COL5A3: variants seen among roughly 807,000 people sequenced by gnomAD.
The protein encoded by COL5A3 is collagen type V alpha 3 chain.
In COL5A3, 172 loss-of-function variants were observed where a neutral mutation model predicts 250.0. The observed-to-expected ratio is 0.69, with a 90% CI of 0.61 to 0.78. COL5A3 has a LOEUF of 0.78. Among genes scored for constraint, COL5A3 ranks in the 30% least tolerant of loss-of-function variants. The pLI, the probability that COL5A3 is intolerant of heterozygous loss-of-function variation, is 0.00. For missense variants in COL5A3, 2,340 were observed against 2,334.4 expected, an observed-to-expected ratio of 1.00 and a Z score of -0.05; for synonymous variants, 937 against 900.4, an observed-to-expected ratio of 1.04 and a Z score of -0.73.
At chr19:9,967,882 C>T in intron 61 of COL5A3, 22 bp downstream of exon 61, 1 of 1,610,956 alleles carries the variant, frequency 6.2e-7, no homozygotes, top group Non-Finnish European at 8.5e-7. Context: ...TGTGTAAGCC[C>T]ACGGAAGCAG....
At chr19:9,999,136 T>TTTCTTTCC (rs2087316542) in intron 8 of COL5A3, among the ~76,000 whole-genome samples, 1 of 126,674 alleles carries the variant, frequency 7.9e-6, no homozygotes, top group African/African-American at 3.2e-5. Flanking sequence ...CTCTCTCTTT[T>TTTCTTTCC]TTCCTTCCTT....
At chr19:10,003,171 A>G (rs2087388713) in intron 6 of COL5A3, among the ~76,000 whole-genome samples, 1 of 152,268 alleles carries the variant, frequency 6.6e-6, no homozygotes, top group African/African-American at 2.4e-5. Context: ...ACCCCAAACA[A>G]TGACACACTA....
chr19:10,008,618 G>T (rs1285353018), intron 1 of COL5A3, among the ~76,000 whole-genome samples: 2 of 152,206 alleles, frequency 1.3e-5, no homozygotes, highest in Non-Finnish European at 2.9e-5. Context: ...ATACGTGTAT[G>T]TGCATGAGAT....
At position 9,980,062 on chromosome 19, in the gene COL5A3, G is replaced by A. The variant is rs374194210; in HGVS notation, c.2605-15C>T. ...CCAGGGAGGCCCTGAAATGGAAACAGAAATCATGATCTCATCCCCCCTGCC... is the reference window on the plus strand; with the variant it reads ...CCAGGGAGGCCCTGAAATGGAAACAAAAATCATGATCTCATCCCCCCTGCC... On this transcript the variant is annotated splice_polypyrimidine_tract_variant and intron_variant, in intron 35 of 66. Transcript: ENST00000264828. 781 of 1,594,352 alleles carry A rather than the reference G, an allele frequency of 4.9e-4. 8 individuals carry two copies. The South Asian group carries it at 8.3e-3, about 17-fold the overall frequency.
Position 9,973,008 on chromosome 19 carries a change from C to G in COL5A3, c.3685G>C (p.Gly1229Arg). ...PGIPGPKGDI[G>R]EKGDSGPSGA... ...GATGGGCCTGAGTCCCCCTTTTCAC[C>G]AATGTCTCCCTTGGGCCCCTTTACA... The change falls in exon 51 of 67, where the codon GGT becomes CGT. Residue 1229 changes from glycine to arginine, a missense_variant. Gly to Arg is a moderately radical substitution (Grantham distance 125). This residue lies in a region of COL5A3 where 1,179 missense variants were observed against 1,162.6 expected (regional missense o/e 1.01). Coordinates refer to ENST00000264828, the MANE Select transcript of COL5A3 (RefSeq NM_015719.4). 6.2e-7 allele frequency: 1 copy of G among 1,609,282 alleles called. No homozygotes were observed. Among genetic ancestry groups the G allele is most frequent in the East Asian group, 2.2e-5 (1 of 44,820 alleles).
At position 9,973,828 on chromosome 19, in the gene COL5A3, G is replaced by A. The variant is rs1449096072; in HGVS notation, c.3559-19C>T. ...GAGTGCCCTGGAGAGACAGCAAGGG[G>A]TAAGAGTGGGACTGTGGAATCCCAA... On this transcript the variant is annotated intron_variant, in intron 48 of 66. Coordinates refer to ENST00000264828, the MANE Select transcript of COL5A3 (RefSeq NM_015719.4). The A allele has an allele frequency of 1.9e-6, 3 of 1,613,928 alleles. No individual in the cohort carries two copies. The highest frequency in any genetic ancestry group is 1.7e-4 in the Middle Eastern group (1 of 6,058).
chr19:9,992,928 T>C (rs776669985), intron 20 of COL5A3, 48 bp from the exon 21 acceptor site: 2 of 1,610,454 alleles, frequency 1.2e-6, no homozygotes, highest in South Asian at 1.1e-5. Context: ...TGTGTGGCCA[T>C]GTGAGCTCTA....
intron 1 of COL5A3, among the ~76,000 whole-genome samples, chr19:10,008,494 G>A (rs748018097): frequency 5.3e-5 from 8 of 152,186 alleles, no homozygotes; most frequent in Non-Finnish European, 8.8e-5. Context: ...TCTCCCCTGT[G>A]CTGGTCAGGG....
chr19:9,972,181 A>C (rs1249893307), intron 51 of COL5A3, among the ~76,000 whole-genome samples: 1 of 152,194 alleles, frequency 6.6e-6, no homozygotes, highest in African/African-American at 2.4e-5. Flanking sequence ...TTACTCATTC[A>C]TCCATTCATT....
intron 16 of COL5A3, among the ~76,000 whole-genome samples, chr19:9,994,340 G>A (rs202188683): frequency 2.2e-4 from 33 of 150,996 alleles, no homozygotes; most frequent in Admixed American, 2.2e-3. Context: ...CACCACACCT[G>A]GCTAATTTTT....
At chr19:9,974,448 CA>C in intron 45 of COL5A3, 40 bp from the exon 46 acceptor site, 1 of 1,478,770 alleles carries the variant, frequency 6.8e-7, no homozygotes, top group Non-Finnish European at 9.2e-7. Context: ...AGGTCTGGGT[CA>C]GTGATTAGGG....
chr19:9,976,729 C>A (rs2086928119), intron 44 of COL5A3, 118 bp from the exon 45 acceptor site: 2 of 736,280 alleles, frequency 2.7e-6, no homozygotes, highest in Admixed American at 5.9e-5. Flanking sequence ...CCCTACCAGG[C>A]AGCAACAGCT....
Position 9,993,381 on chromosome 19 carries a change from C to G in COL5A3, c.1748G>C (p.Arg583Thr), listed in dbSNP as rs1351932120. 6.2e-7 allele frequency: 1 copy of G among 1,614,162 alleles called. No individual in the cohort carries two copies. The highest frequency in any genetic ancestry group is 2.2e-5 in the East Asian group (1 of 44,886). The part of the protein sequence containing the change: ...QPGPPGEDGE[R>T]GAEGPPGPTG... ...GCCCTAACTCTCTTCCAAACTTACC[C>G]TCTCACCATCCTCTCCTGGGGGACC... Residue 583 changes from arginine to threonine, a missense_variant and splice_region_variant, in exon 19 of 67, where the codon AGG becomes ACG. Transcript: ENST00000264828.
intron 11 of COL5A3, chr19:9,997,132 T>C (rs1460287139): frequency 1.0e-5 from 6 of 583,744 alleles, no homozygotes; most frequent in Non-Finnish European, 9.1e-6. Flanking sequence ...AAGACAGAGA[T>C]AAAAGACACT....
At chr19:9,988,602 G>A (rs1042626537) in intron 27 of COL5A3, among the ~76,000 whole-genome samples, 2 of 151,986 alleles carry the variant, frequency 1.3e-5, no homozygotes, top group African/African-American at 4.8e-5. Context: ...AAGCCAAGGA[G>A]GGTGGATCAC....
intron 1 of COL5A3, among the ~76,000 whole-genome samples, chr19:10,008,089 G>C (rs1239972236): frequency 6.6e-6 from 1 of 152,006 alleles, no homozygotes; most frequent in Non-Finnish European, 1.5e-5. Context: ...CTGAGATCTG[G>C]GCTCCCAGGC....
At chr19:9,976,125 C>T (rs1312401176) in intron 45 of COL5A3, among the ~76,000 whole-genome samples, 11 of 150,614 alleles carry the variant, frequency 7.3e-5, no homozygotes, top group Non-Finnish European at 1.6e-4. Flanking sequence ...GAGCCAAATT[C>T]TGGGGTTGAG....
intron 27 of COL5A3, among the ~76,000 whole-genome samples, chr19:9,987,048 A>T (rs1281861969): frequency 6.6e-6 from 1 of 152,188 alleles, no homozygotes; most frequent in Admixed American, 6.5e-5. Flanking sequence ...GAGAAAGAGG[A>T]TGAACATTCC....
At position 9,996,648 on chromosome 19, in the gene COL5A3, G is replaced by A; in HGVS notation, c.1305C>T (p.Ile435=). The A allele has an allele frequency of 1.2e-6, 2 of 1,611,850 alleles. No individual in the cohort carries two copies. Among genetic ancestry groups the A allele is most frequent in the Admixed American group, 1.7e-5 (1 of 59,134 alleles). Residue 435 remains isoleucine, a synonymous_variant, in exon 12 of 67, where the codon ATC becomes ATT. Coordinates refer to ENST00000264828, the MANE Select transcript of COL5A3 (RefSeq NM_015719.4). ...TGATCACAGTGCCCGGTGGGCCTCG[G>A]ATCCCATCAATGCCGGGGATTCCTG... ...GLPGIPGIDG[I]RGPPGTVIMM... is the part of the protein sequence containing the mutation.
Sources: allele counts gnomAD v4.1 joint callset (sites outside exome capture counted in the v4.1 genomes callset), GRCh38; gene constraint gnomAD v4.1.1; regional missense constraint gnomAD v4.1.1; transcripts MANE v1.5; gene names NCBI Gene and HGNC (gene_info 2026-07-23, HGNC 2026-07-21).